HLCS: variants seen among roughly 807,000 people sequenced by gnomAD.
HLCS encodes biotin--protein ligase.
In HLCS, 53 loss-of-function variants were observed where a neutral mutation model predicts 75.0. That is an observed-to-expected ratio of 0.71 (90% CI 0.57 to 0.89). The LOEUF (loss-of-function observed/expected upper bound fraction) is 0.89. Ranked by LOEUF, HLCS falls within the 40% of genes least tolerant of loss-of-function variation. The pLI, the probability that HLCS is intolerant of heterozygous loss-of-function variation, is 0.00. For missense variants in HLCS, 966 were observed against 1,074.0 expected (o/e 0.90, Z 1.41); for synonymous variants, 431 against 428.6 (o/e 1.01, Z -0.07).
At chr21:36,947,692 A>C in intron 2 of HLCS, 2 of 985,464 alleles carry the variant, frequency 2.0e-6, no homozygotes, top group Non-Finnish European at 2.4e-6. Flanking sequence ...GGCAGCAGGC[A>C]AGGCATATCT....
chr21:36,931,978 C>A (rs781271206), intron 4 of HLCS, among the ~76,000 whole-genome samples: 4 of 152,064 alleles, frequency 2.6e-5, no homozygotes, highest in Non-Finnish European at 4.4e-5. Context: ...TTAGGTGAAC[C>A]GATGCGTCTA....
intron 6 of HLCS, among the ~76,000 whole-genome samples, chr21:36,825,882 G>A (rs2061991752): frequency 1.3e-5 from 2 of 152,202 alleles, no homozygotes; most frequent in African/African-American, 4.8e-5. Flanking sequence ...CTGGCATTCT[G>A]CCAACCAACA....
At chr21:36,834,748 G>A (rs540031898) in intron 6 of HLCS, among the ~76,000 whole-genome samples, 1 of 152,246 alleles carries the variant, frequency 6.6e-6, no homozygotes, top group African/African-American at 2.4e-5. Context: ...TAGAGATGGG[G>A]TTTCACCATG....
rs1208595985 is a variant in HLCS, at chr21:36,962,071, T to C, written c.295A>G (p.Ser99Gly). Reference sequence around the variant, plus strand: ...GAGGATGATCTCTGTAAATTCTCACTTTGTACCCAAATGCTCTCCGTCACA... The same window carrying C: ...GAGGATGATCTCTGTAAATTCTCACCTTGTACCCAAATGCTCTCCGTCACA... ...AFVTESIWVQSENLQRSSSSE... is the reference protein window; with the variant it reads ...AFVTESIWVQGENLQRSSSSE... The change falls in exon 2 of 11, where the codon AGT (serine) becomes GGT (glycine). Residue 99 changes from serine to glycine, a missense_variant. Transcript: ENST00000674895. 15 of 1,289,492 alleles carry C rather than the reference T, an allele frequency of 1.2e-5. No individual in the cohort carries two copies. In the African/African-American group the frequency reaches 2.3e-4, roughly 20 times the overall value. The allele number at this position is 1,289,492 out of a possible 1,614,324, so 79.9% of individuals were successfully genotyped here.
chr21:36,865,210 T>C (rs1161050716), intron 6 of HLCS, among the ~76,000 whole-genome samples: 1 of 151,872 alleles, frequency 6.6e-6, no homozygotes, highest in Non-Finnish European at 1.5e-5. Context: ...AGAGTCCACG[T>C]GGAGGCTAAG....
chr21:36,787,062 G>A (rs756794145), intron 6 of HLCS, among the ~76,000 whole-genome samples: 1 of 152,236 alleles, frequency 6.6e-6, no homozygotes, highest in African/African-American at 2.4e-5. Flanking sequence ...AGGCAGCACT[G>A]AGTGCAGCCA....
chr21:36,937,443 A>G (rs1385017174), intron 3 of HLCS, 51 bp from the exon 4 acceptor site: 2 of 1,426,840 alleles, frequency 1.4e-6, no homozygotes, highest in South Asian at 1.2e-5. Flanking sequence ...CACTTCTTGT[A>G]TGACACATAG....
intron 6 of HLCS, among the ~76,000 whole-genome samples, chr21:36,809,987 C>T (rs1268418384): frequency 6.6e-6 from 1 of 152,202 alleles, no homozygotes; most frequent in Non-Finnish European, 1.5e-5. Context: ...AAGCAATATG[C>T]CCACCCCAGC....
intron 6 of HLCS, among the ~76,000 whole-genome samples, chr21:36,770,585 T>C (rs2060174686): frequency 6.6e-6 from 1 of 150,956 alleles, no homozygotes; most frequent in South Asian, 2.1e-4. Context: ...TAACCTTTCT[T>C]TTTTTTTTTC....
Position 36,881,176 on chromosome 21 carries a change from G to C in HLCS, c.1892+15684C>G, listed in dbSNP as rs559248509. ...GTAGAGATGGGGTTTCACCATGTTGGCCAGGATGGTCTCAAACTCCTGACC... is the reference window on the plus strand; with the variant it reads ...GTAGAGATGGGGTTTCACCATGTTGCCCAGGATGGTCTCAAACTCCTGACC... On this transcript the variant is annotated intron_variant, in intron 6 of 10. Transcript: ENST00000674895. Among the ~76,000 whole-genome samples, 1,066 of 152,116 alleles carry C rather than the reference G, an allele frequency of 7.0e-3. 16 individuals carry two copies. Among genetic ancestry groups the C allele is most frequent in the African/African-American group, 0.025 (1,040 of 41,488 alleles).
chr21:36,877,077 T>C (rs2064009213), intron 6 of HLCS, among the ~76,000 whole-genome samples: 1 of 152,230 alleles, frequency 6.6e-6, no homozygotes, highest in African/African-American at 2.4e-5. Flanking sequence ...CCAACCTCCT[T>C]AGGCTGTTAA....
intron 5 of HLCS, among the ~76,000 whole-genome samples, chr21:36,925,151 G>A (rs1355488560): frequency 3.3e-5 from 5 of 152,088 alleles, no homozygotes; most frequent in African/African-American, 1.2e-4. Context: ...ACTAGTTTCT[G>A]TTTTTAAGTA....
chr21:36,901,005 A>T (rs2065214999), intron 5 of HLCS, among the ~76,000 whole-genome samples: 1 of 152,174 alleles, frequency 6.6e-6, no homozygotes, highest in Non-Finnish European at 1.5e-5. Context: ...TCACACCTGT[A>T]ATCCCAGCAC....
Position 36,930,243 on chromosome 21 carries a change from C to A in HLCS, c.1620+8G>T. On this transcript the variant is annotated splice_region_variant and intron_variant, in intron 5 of 10. Transcript: ENST00000674895. ...AGCGCGCTCTGCCCAGCTGAGCCCA[C>A]AACTCACCTCCGCAGCTGACAGCAA... 1 of 1,613,860 alleles carries A rather than the reference C, an allele frequency of 6.2e-7. No homozygotes were observed. The highest frequency in any genetic ancestry group is 1.1e-5 in the South Asian group (1 of 91,074).
In HLCS at chr21:36,750,209, C is replaced by G. The variant is rs1374784610; in HGVS notation, c.*4037G>C. Among the ~76,000 whole-genome samples, 1 of 152,108 alleles carries G rather than the reference C, an allele frequency of 6.6e-6. No individual in the cohort carries two copies. Among genetic ancestry groups the G allele is most frequent in the Non-Finnish European group, 1.5e-5 (1 of 68,028 alleles). On this transcript the variant is annotated 3_prime_UTR_variant, in exon 11 of 11. Transcript: ENST00000674895. ...AAGAGGAAGCATTTTAATACATATG[C>G]CTCTCTTTTACAAAAAAGAAAAAAA...
chr21:36,786,296 T>A (rs1034607565), intron 6 of HLCS, among the ~76,000 whole-genome samples: 29 of 149,780 alleles, frequency 1.9e-4, no homozygotes, highest in South Asian at 1.1e-3. Context: ...TTTTTTTTTT[T>A]AAATCTAAAA....
In HLCS at chr21:36,750,887, CTGTTGTTACATTAAA is replaced by C. The variant is rs1213249655; in HGVS notation, c.*3344_*3358del. 4.6e-5 allele frequency: 7 copies of C among 151,832 alleles called. No individual in the cohort carries two copies. Among genetic ancestry groups the C allele is most frequent in the African/African-American group, 1.7e-4 (7 of 41,304 alleles). 9.4% of individuals were successfully genotyped at this position (151,832 alleles called of 1,614,324 possible). On this transcript the variant is annotated 3_prime_UTR_variant, in exon 11 of 11. Transcript: ENST00000674895. ...AAGAAAAATCCTAAAAACAATCTAG[CTGTTGTTACATTAAA>C]TTTATTTCTCACCTCCATTAAAAGG...
rs1172598213 is a variant in HLCS, at chr21:36,750,264, T to A, written c.*3982A>T. ...ATCGTAGGCCCTAACATGTACCATGTTGACAAAAATGCCAGATCAAATGGA... is the reference window on the plus strand; with the variant it reads ...ATCGTAGGCCCTAACATGTACCATGATGACAAAAATGCCAGATCAAATGGA... On this transcript the variant is annotated 3_prime_UTR_variant, in exon 11 of 11. Transcript: ENST00000674895. Among the ~76,000 whole-genome samples, 1 of 152,244 alleles carries A rather than the reference T, an allele frequency of 6.6e-6. No individual in the cohort carries two copies. The highest frequency in any genetic ancestry group is 1.5e-5 in the Non-Finnish European group (1 of 68,042).
At chr21:36,861,049 T>C (rs758481764) in intron 6 of HLCS, among the ~76,000 whole-genome samples, 1 of 152,246 alleles carries the variant, frequency 6.6e-6, no homozygotes, top group Admixed American at 6.5e-5. Context: ...CTTCATTTTA[T>C]TTCAACAGAC....
Sources: allele counts gnomAD v4.1 joint callset (sites outside exome capture counted in the v4.1 genomes callset), GRCh38; gene constraint gnomAD v4.1.1; transcripts MANE v1.5; gene names NCBI Gene and HGNC (gene_info 2026-07-23, HGNC 2026-07-21).